The following PRH1 variants were observed in gnomAD, a reference collection of about 807,000 sequenced individuals.
PRH1 encodes the protein salivary acidic proline-rich phosphoprotein 1/2.
A neutral mutation model predicts 7.9 loss-of-function variants in PRH1; 7 were observed. The observed-to-expected ratio is 0.89, with a 90% CI of 0.50 to 1.67. PRH1 has a LOEUF of 1.67. PRH1 is among the 40% of genes most tolerant of loss of function. The pLI, the probability that PRH1 is intolerant of heterozygous loss-of-function variation, is 0.00. For synonymous variants in PRH1, 45 were observed against 80.8 expected (o/e 0.56, Z 2.38); for missense variants, 109 against 223.6 (o/e 0.49, Z 3.27).
intron 1 of PRH1, among the ~76,000 whole-genome samples, chr12:11,083,748 A>T (rs1944575433): frequency 1.3e-5 from 2 of 152,414 alleles, no homozygotes; most frequent in Admixed American, 6.5e-5. Context: ...GTCTCACTTT[A>T]GAATTTCACC....
At chr12:11,108,718 G>A (rs1383046717) in intron 1 of PRH1, among the ~76,000 whole-genome samples, 2 of 152,202 alleles carry the variant, frequency 1.3e-5, no homozygotes, top group Non-Finnish European at 2.9e-5. Context: ...AGGGCCATGG[G>A]TCTCAAGCAT....
intron 2 of PRH1, among the ~76,000 whole-genome samples, chr12:10,952,995 G>A (rs114435425): frequency 0.015 from 2,315 of 152,044 alleles, 21 homozygotes; most frequent in South Asian, 0.031. Flanking sequence ...AACAAAGTCC[G>A]GTGTCCAAAA....
downstream of PRH1, among the ~76,000 whole-genome samples, chr12:11,119,430 G>A (rs1041196871): frequency 6.6e-6 from 1 of 152,070 alleles, no homozygotes; most frequent in African/African-American, 2.4e-5. Flanking sequence ...GAGTATAACT[G>A]GATTGTTTGT....
chr12:10,890,664 A>G (rs1479027761), intron 2 of PRH1, among the ~76,000 whole-genome samples: 7 of 152,064 alleles, frequency 4.6e-5, no homozygotes, highest in Admixed American at 4.6e-4. Flanking sequence ...GCTTAAGGCC[A>G]GGAGTTCTAG....
intron 2 of PRH1, among the ~76,000 whole-genome samples, chr12:10,963,371 C>T (rs1034158408): frequency 1.5e-4 from 22 of 151,686 alleles, no homozygotes; most frequent in African/African-American, 4.8e-4. Context: ...ATGTCATAGA[C>T]GTCATTTTAG....
At chr12:10,958,093 C>T (rs1317432129) in intron 2 of PRH1, among the ~76,000 whole-genome samples, 2 of 151,996 alleles carry the variant, frequency 1.3e-5, no homozygotes, top group African/African-American at 2.4e-5. Context: ...ATTGTTCTAC[C>T]ATAAAGACAC....
chr12:10,957,072 T>A (rs1938001009), intron 2 of PRH1, among the ~76,000 whole-genome samples: 1 of 149,590 alleles, frequency 6.7e-6, no homozygotes, highest in Non-Finnish European at 1.5e-5. Flanking sequence ...ATTTTAAAAT[T>A]CACTGGGAAT....
chr12:11,050,814 T>A (rs1004067664), upstream of PRH1, among the ~76,000 whole-genome samples: 5 of 152,284 alleles, frequency 3.3e-5, no homozygotes, highest in African/African-American at 9.6e-5. Flanking sequence ...ACACAGAGAT[T>A]TAAGACGGTT....
upstream of PRH1, among the ~76,000 whole-genome samples, chr12:10,887,190 T>C (rs150694727): frequency 5.9e-5 from 9 of 152,188 alleles, no homozygotes; most frequent in African/African-American, 1.9e-4. Flanking sequence ...CATGCTCTAG[T>C]TTGCCTGGAA....
chr12:10,923,286 C>T (rs1402151770), intron 2 of PRH1, among the ~76,000 whole-genome samples: 3 of 152,038 alleles, frequency 2.0e-5, no homozygotes, highest in Non-Finnish European at 4.4e-5. Context: ...CCACCATGCA[C>T]AGCTAATTTT....
chr12:10,881,366 A>G (rs554534668), intron 3 of PRH1, among the ~76,000 whole-genome samples: 15 of 152,244 alleles, frequency 9.9e-5, no homozygotes, highest in Non-Finnish European at 1.9e-4. Context: ...ATATCATATA[A>G]TAGTGAGAAT....
At chr12:11,033,528 C>T (rs1942314096) in intron 1 of PRH1, among the ~76,000 whole-genome samples, 1 of 152,052 alleles carries the variant, frequency 6.6e-6, no homozygotes, top group Non-Finnish European at 1.5e-5. Context: ...TATGTACAAC[C>T]TTGTTGTGTC....
upstream of PRH1, among the ~76,000 whole-genome samples, chr12:11,048,027 T>C (rs1233218376): frequency 6.6e-6 from 1 of 152,102 alleles, no homozygotes; most frequent in African/African-American, 2.4e-5. Context: ...TCACATGAAA[T>C]ACCATAGGAT....
chr12:10,938,670 C>A (rs1950336163), intron 2 of PRH1: 2 of 1,613,890 alleles, frequency 1.2e-6, no homozygotes, highest in Non-Finnish European at 1.7e-6. Context: ...CTGGTTAATA[C>A]AATAAGACTG....
At chr12:10,890,089 C>A (rs1949548983) in intron 2 of PRH1, among the ~76,000 whole-genome samples, 1 of 151,942 alleles carries the variant, frequency 6.6e-6, no homozygotes, top group South Asian at 2.1e-4. Context: ...TCTGTTTTAT[C>A]TTGCACAGAG....
At chr12:11,163,685 T>C (rs1947483402) in intron 1 of PRH1, among the ~76,000 whole-genome samples, 1 of 152,218 alleles carries the variant, frequency 6.6e-6, no homozygotes, top group Admixed American at 6.5e-5. Context: ...AAATCTATTC[T>C]GGTAGTTTAA....
chr12:11,123,201 T>C (rs1192784899), intron 1 of PRH1, among the ~76,000 whole-genome samples: 1 of 152,282 alleles, frequency 6.6e-6, no homozygotes, highest in Non-Finnish European at 1.5e-5. Flanking sequence ...TTTTCCATTT[T>C]ATGATTTTAC....
intron 2 of PRH1, among the ~76,000 whole-genome samples, chr12:10,972,811 A>T (rs1222635940): frequency 6.6e-6 from 1 of 152,098 alleles, no homozygotes; most frequent in East Asian, 1.9e-4. Context: ...TATCAAATGC[A>T]TTCAAGATTT....
chr12:11,030,077 A>G (rs1329473700), intron 1 of PRH1, among the ~76,000 whole-genome samples: 1 of 150,242 alleles, frequency 6.7e-6, no homozygotes, highest in African/African-American at 2.4e-5. Flanking sequence ...TAAATTCTAC[A>G]AATGAAATAT....
Sources: allele counts gnomAD v4.1 joint callset (sites outside exome capture counted in the v4.1 genomes callset), GRCh38; gene constraint gnomAD v4.1.1; transcripts MANE v1.5; gene names NCBI Gene and HGNC (gene_info 2026-07-23, HGNC 2026-07-21).